Variants in NCKAP5 observed in about 807,000 individuals in gnomAD.
The protein encoded by NCKAP5 is nck-associated protein 5.
Under a neutral mutation model 167.0 loss-of-function variants are expected in NCKAP5, and 92 were observed. The ratio of observed to expected loss-of-function variants is 0.55; its 90% CI spans 0.47 to 0.66. NCKAP5 has a LOEUF of 0.66. NCKAP5 is among the 30% of genes least tolerant of loss of function. The pLI, the probability that NCKAP5 is intolerant of heterozygous loss-of-function variation, is 0.00. For synonymous variants in NCKAP5, 891 were observed against 877.4 expected (o/e 1.02, Z -0.27); for missense variants, 2,378 against 2,315.0 (o/e 1.03, Z -0.56).
At chr2:133,270,951 A>C (rs2089483055) in intron 4 of NCKAP5, among the ~76,000 whole-genome samples, 2 of 131,360 alleles carry the variant, frequency 1.5e-5, no homozygotes, top group African/African-American at 3.0e-5. Context: ...AGGGAGTCTC[A>C]CTCTGTCGCC....
chr2:132,896,153 C>G (rs1200031773), intron 8 of NCKAP5, among the ~76,000 whole-genome samples: 2 of 152,012 alleles, frequency 1.3e-5, no homozygotes, highest in African/African-American at 4.8e-5. Context: ...AGCAAACAAA[C>G]AAAAACAAAA....
At chr2:133,539,436 A>T (rs944156514) in intron 2 of NCKAP5, among the ~76,000 whole-genome samples, 73 of 152,206 alleles carry the variant, frequency 4.8e-4, no homozygotes, top group Non-Finnish European at 1.0e-3. Context: ...CAAGCAAAAT[A>T]AAAAATACAG....
At chr2:132,835,395 G>A (rs1371430624) in intron 11 of NCKAP5, among the ~76,000 whole-genome samples, 1 of 152,124 alleles carries the variant, frequency 6.6e-6, no homozygotes, top group Non-Finnish European at 1.5e-5. Context: ...AGCGTCTTCT[G>A]TGATCCCTGG....
chr2:132,853,023 A>C (rs1689191338), intron 11 of NCKAP5, among the ~76,000 whole-genome samples: 2 of 152,242 alleles, frequency 1.3e-5, no homozygotes, highest in African/African-American at 4.8e-5. Flanking sequence ...ATTTTTGTTG[A>C]AATAATGAAT....
chr2:132,956,871 C>T (rs13003760), intron 8 of NCKAP5, among the ~76,000 whole-genome samples: 1 of 152,162 alleles, frequency 6.6e-6, no homozygotes, highest in Non-Finnish European at 1.5e-5. Context: ...CAACACTTCA[C>T]CTTCCATTTT....
chr2:132,771,596 C>A (rs1368473020), intron 16 of NCKAP5, among the ~76,000 whole-genome samples: 2 of 152,038 alleles, frequency 1.3e-5, no homozygotes, highest in East Asian at 3.9e-4. Flanking sequence ...ACTCACCACT[C>A]ACTAACTAAC....
intron 4 of NCKAP5, among the ~76,000 whole-genome samples, chr2:133,222,017 G>A (rs2086681155): frequency 6.6e-6 from 1 of 152,046 alleles, no homozygotes; most frequent in South Asian, 2.1e-4. Context: ...GATATTTATT[G>A]AATAGTTGCT....
At chr2:133,047,913 T>C (rs1283697909) in intron 6 of NCKAP5, among the ~76,000 whole-genome samples, 1 of 152,196 alleles carries the variant, frequency 6.6e-6, no homozygotes, top group Non-Finnish European at 1.5e-5. Context: ...AAGCCCCACA[T>C]TCAAAAGCAG....
chr2:133,480,881 A>G (rs1422487715), intron 3 of NCKAP5, among the ~76,000 whole-genome samples: 1 of 152,222 alleles, frequency 6.6e-6, no homozygotes, highest in Non-Finnish European at 1.5e-5. Context: ...CAGCATTCCC[A>G]AAGCCGGATT....
At chr2:133,422,181 T>G (rs1254562377) in intron 3 of NCKAP5, among the ~76,000 whole-genome samples, 1 of 152,182 alleles carries the variant, frequency 6.6e-6, no homozygotes, top group Non-Finnish European at 1.5e-5. Context: ...GAGTGACATC[T>G]CTAATGGACC....
intron 6 of NCKAP5, among the ~76,000 whole-genome samples, chr2:133,026,514 G>A (rs1189664822): frequency 6.6e-6 from 1 of 151,990 alleles, no homozygotes; most frequent in African/African-American, 2.4e-5. Flanking sequence ...CAGAAAATCA[G>A]GCACCTTTCA....
intron 4 of NCKAP5, among the ~76,000 whole-genome samples, chr2:133,244,858 T>TA (rs1267240249): frequency 2.0e-5 from 3 of 152,110 alleles, no homozygotes; most frequent in Admixed American, 1.3e-4. Context: ...AAAGCTTCTG[T>TA]AAAAAATAAA....
chr2:133,421,098 T>C (rs971125125), intron 3 of NCKAP5, among the ~76,000 whole-genome samples: 3 of 152,204 alleles, frequency 2.0e-5, no homozygotes, highest in Non-Finnish European at 2.9e-5. Flanking sequence ...ACATGAGTGC[T>C]TTTCTAAATG....
At chr2:132,928,977 A>G (rs1242023407) in intron 8 of NCKAP5, among the ~76,000 whole-genome samples, 1 of 151,530 alleles carries the variant, frequency 6.6e-6, no homozygotes, top group East Asian at 1.9e-4. Context: ...AACAAAACAA[A>G]ACAAAACAAA....
intron 3 of NCKAP5, among the ~76,000 whole-genome samples, chr2:133,405,809 T>C (rs1001366877): frequency 2.6e-5 from 4 of 152,206 alleles, no homozygotes; most frequent in Admixed American, 6.5e-5. Flanking sequence ...TCCCCTTGCC[T>C]GGGTTATACC....
chr2:132,829,981 G>A lies in NCKAP5; in HGVS notation c.807+30511C>T, dbSNP rs574710339. On this transcript the variant is annotated intron_variant, in intron 11 of 19. Coordinates refer to ENST00000409261, the MANE Select transcript of NCKAP5 (RefSeq NM_207363.3). ...AATTTTCAGGGCCTTTCCAGATTTC[G>A]TCTAGTGATGTTGACTTTCCCCCTC... Among the ~76,000 whole-genome samples, 7 of 152,100 alleles carry A rather than the reference G, an allele frequency of 4.6e-5. No homozygotes were observed. In the East Asian group the frequency reaches 9.7e-4, roughly 21 times the overall value.
intron 5 of NCKAP5, among the ~76,000 whole-genome samples, chr2:133,163,437 T>C (rs942304089): frequency 6.6e-6 from 1 of 152,194 alleles, no homozygotes; most frequent in Non-Finnish European, 1.5e-5. Flanking sequence ...AGACGGGAGA[T>C]GAATATTTAA....
chr2:133,601,795 G>C, the NCKAP5 span, among the ~76,000 whole-genome samples: 7 of 151,916 alleles, frequency 4.6e-5, no homozygotes, highest in Admixed American at 2.0e-4. Context: ...ATTTTTTTCA[G>C]GTGCTAAAGT....
At chr2:133,593,448 AT>A in the NCKAP5 span, among the ~76,000 whole-genome samples, 1 of 152,146 alleles carries the variant, frequency 6.6e-6, no homozygotes, top group Non-Finnish European at 1.5e-5. Flanking sequence ...ACACAAGAAT[AT>A]TTTAATGCCA....
Sources: gnomAD v4.1 joint callset for allele counts (sites outside exome capture counted in the v4.1 genomes callset) on GRCh38, gnomAD v4.1.1 for gene constraint, MANE v1.5 for transcripts, NCBI Gene and HGNC (gene_info 2026-07-23, HGNC 2026-07-21) for gene names.